PRH1: variants seen among roughly 807,000 people sequenced by gnomAD.
PRH1 encodes the protein proline rich protein HaeIII subfamily 1, also known as salivary acidic proline-rich phosphoprotein 1/2.
Under a neutral mutation model 7.9 loss-of-function variants are expected in PRH1, and 7 were observed. The observed-to-expected ratio is 0.89, with a 90% CI of 0.50 to 1.67. PRH1 has a LOEUF of 1.67. Ranked by LOEUF, PRH1 falls within the 40% of genes most tolerant of loss-of-function variation. The pLI is 0.00. For missense variants in PRH1, 109 were observed against 223.6 expected (o/e 0.49, Z 3.27); for synonymous variants, 45 against 80.8 (o/e 0.56, Z 2.38).
At chr12:10,960,983 C>T (rs1252138749) in intron 2 of PRH1, among the ~76,000 whole-genome samples, 1 of 152,146 alleles carries the variant, frequency 6.6e-6, no homozygotes, top group Non-Finnish European at 1.5e-5. Flanking sequence ...ATTGCTCTGA[C>T]TCACTAATGG....
intron 1 of PRH1, among the ~76,000 whole-genome samples, chr12:11,052,600 T>C (rs1379561237): frequency 6.6e-6 from 1 of 152,170 alleles, no homozygotes; most frequent in Non-Finnish European, 1.5e-5. Flanking sequence ...TTCTCTCCTC[T>C]AATCTTACAG....
intron 2 of PRH1, chr12:10,929,436 C>T: frequency 1.4e-6 from 2 of 1,450,780 alleles, no homozygotes; most frequent in Non-Finnish European, 1.9e-6. Flanking sequence ...GATGAGAAAA[C>T]AGATAGGACT....
rs1246022286 is a variant in PRH1, at chr12:11,077,266, A to G, written n.124-30078T>C. ...AGAAATATAAAATGTTCAAGACATC[A>G]TCAGTTTGTTTTCTGCTAGAAGACA... On this transcript the variant is annotated intron_variant and non_coding_transcript_variant, in intron 1 of 4. Coordinates refer to the PRH1 transcript ENST00000541977. The G allele has an allele frequency of 2.3e-4, 52 of 221,888 alleles. 16 individuals are homozygous for G. Among genetic ancestry groups the G allele is most frequent in the Admixed American group, 2.2e-3 (36 of 16,694 alleles). The allele number at this position is 221,888 out of a possible 1,614,324, so 13.7% of individuals were successfully genotyped here. A position where few individuals can be genotyped will look rare whatever the true frequency, so the allele number is the denominator to read the frequency against.
intron 1 of PRH1, among the ~76,000 whole-genome samples, chr12:11,013,129 C>A (rs893475293): frequency 2.0e-5 from 3 of 151,960 alleles, no homozygotes; most frequent in Non-Finnish European, 4.4e-5. Flanking sequence ...CTGAAAATAC[C>A]CAGTGACCAG....
At chr12:11,119,797 G>A (rs1026930254), downstream of PRH1, among the ~76,000 whole-genome samples, 1 of 152,074 alleles carries the variant, frequency 6.6e-6, no homozygotes, top group African/African-American at 2.4e-5. Flanking sequence ...ACTAATATTA[G>A]ATTCAGTGAC....
chr12:10,986,914 T>A, intron 1 of PRH1: 1 of 1,288,658 alleles, frequency 7.8e-7, no homozygotes. Flanking sequence ...TGGTTGTGAT[T>A]TCTTTAATAC....
chr12:11,022,605 C>T (rs779373299), intron 1 of PRH1: 10 of 1,477,066 alleles, frequency 6.8e-6, no homozygotes, highest in East Asian at 2.3e-5. Context: ...GGCTTAGTAA[C>T]ACTTGTTCTG....
At position 11,079,698 on chromosome 12, in the gene PRH1, T is replaced by C. The variant is rs149721256; in HGVS notation, n.124-32510A>G. 2.5e-5 allele frequency among the ~76,000 whole-genome samples: 3 copies of C among 117,874 alleles called. 1 individual carries two copies. Among genetic ancestry groups the C allele is most frequent in the African/African-American group, 8.5e-5 (3 of 35,122 alleles). The allele number at this position is 117,874 out of a possible 152,430, so 77.3% of individuals were successfully genotyped here. A position where few individuals can be genotyped will look rare whatever the true frequency, so the allele number is the denominator to read the frequency against. On this transcript the variant is annotated intron_variant and non_coding_transcript_variant, in intron 1 of 4. Coordinates refer to the PRH1 transcript ENST00000541977. Reference sequence around the variant, plus strand: ...ATAGACAGAGAATGTCAAAGTTTTGTCACATGAAGTGGATAATTAAACCTA... The same window carrying C: ...ATAGACAGAGAATGTCAAAGTTTTGCCACATGAAGTGGATAATTAAACCTA...
chr12:11,081,965 T>G (rs1944513560), intron 1 of PRH1, among the ~76,000 whole-genome samples: 1 of 116,828 alleles, frequency 8.6e-6, no homozygotes, highest in Non-Finnish European at 2.0e-5. Flanking sequence ...ATGGATTAGT[T>G]TAATATAATT....
intron 1 of PRH1, among the ~76,000 whole-genome samples, chr12:11,004,201 A>G (rs992886637): frequency 6.6e-6 from 1 of 152,146 alleles, no homozygotes; most frequent in African/African-American, 2.4e-5. Flanking sequence ...TATATAAAAT[A>G]TAATTAAACT....
chr12:10,936,545 A>G (rs1950291588), intron 2 of PRH1, among the ~76,000 whole-genome samples: 1 of 152,114 alleles, frequency 6.6e-6, no homozygotes, highest in African/African-American at 2.4e-5. Context: ...ACTTTCCTTT[A>G]TGTTCCTGTG....
At chr12:11,171,417 C>A in intron 1 of PRH1, 1 of 1,232,068 alleles carries the variant, frequency 8.1e-7, no homozygotes, top group South Asian at 4.1e-5. Flanking sequence ...CGCCGCGACA[C>A]CCACCTCGTA....
At chr12:10,953,292 G>A (rs993386059) in intron 2 of PRH1, among the ~76,000 whole-genome samples, 1 of 152,108 alleles carries the variant, frequency 6.6e-6, no homozygotes, top group African/African-American at 2.4e-5. Flanking sequence ...ATATGATTCA[G>A]ACCATGGATA....
upstream of PRH1, among the ~76,000 whole-genome samples, chr12:10,887,541 A>C (rs1364384733): frequency 2.6e-4 from 27 of 104,680 alleles, no homozygotes; most frequent in African/African-American, 7.0e-4. Flanking sequence ...TTTTTTTTTG[A>C]GATGGTGTCT....
At chr12:11,127,639 C>A (rs975298618) in intron 1 of PRH1, among the ~76,000 whole-genome samples, 2 of 152,308 alleles carry the variant, frequency 1.3e-5, no homozygotes, top group South Asian at 4.1e-4. Flanking sequence ...CACATACACA[C>A]CCCTCATGGT....
At chr12:10,999,566 T>A (rs2136015456) in intron 1 of PRH1, among the ~76,000 whole-genome samples, 1 of 152,186 alleles carries the variant, frequency 6.6e-6, no homozygotes, top group South Asian at 2.1e-4. Flanking sequence ...CAAAAATAGG[T>A]AAGAGCAATG....
chr12:10,990,546 T>C (rs1939884605), intron 1 of PRH1, among the ~76,000 whole-genome samples: 1 of 152,174 alleles, frequency 6.6e-6, no homozygotes, highest in South Asian at 2.1e-4. Context: ...TAGGACTTTG[T>C]AAGGATTTTG....
chr12:11,088,695 C>T (rs1341578742), intron 1 of PRH1, among the ~76,000 whole-genome samples: 7 of 114,032 alleles, frequency 6.1e-5, no homozygotes, highest in Non-Finnish European at 1.2e-4. Flanking sequence ...GTTTCCCAGG[C>T]TACTGGTCTC....
intron 1 of PRH1, among the ~76,000 whole-genome samples, chr12:11,029,040 C>T (rs925032627): frequency 6.6e-6 from 1 of 152,278 alleles, no homozygotes; most frequent in African/African-American, 2.4e-5. Flanking sequence ...GTTTCGAGTT[C>T]CTGGGAGTCA....
Sources: gnomAD v4.1 joint callset for allele counts (sites outside exome capture counted in the v4.1 genomes callset) on GRCh38, gnomAD v4.1.1 for gene constraint, MANE v1.5 for transcripts, NCBI Gene and HGNC (gene_info 2026-07-23, HGNC 2026-07-21) for gene names.